Variants in EFCAB6 observed in about 807,000 individuals in gnomAD.
EFCAB6 encodes EF-hand calcium binding domain 6, also known as EF-hand calcium-binding domain-containing protein 6.
Under a neutral mutation model 169.8 loss-of-function variants are expected in EFCAB6, and 156 were observed. The observed-to-expected ratio is 0.92, with a 90% CI of 0.81 to 1.05. EFCAB6 has a LOEUF of 1.05. Ranked by LOEUF, EFCAB6 falls within the 50% of genes least tolerant of loss-of-function variation. The probability of loss-of-function intolerance (pLI) is 0.00; values close to 1 mark genes in which losing one functional copy is unlikely to be tolerated. For missense variants in EFCAB6, 1,800 were observed against 1,829.1 expected (o/e 0.98, Z 0.29); for synonymous variants, 698 against 676.4 (o/e 1.03, Z -0.50).
In EFCAB6 at chr22:43,751,898, G is replaced by A. The variant is rs2060782108; in HGVS notation, c.507+3868C>T. On this transcript the variant is annotated intron_variant, in intron 6 of 31. Transcript: ENST00000262726. ...GCACCTGCCTCATGGGGTTCACCTG[G>A]GAATTAAATGCCTTAATGCGATAAA... is the stretch of plus-strand genomic sequence containing the variant. Among the ~76,000 whole-genome samples the A allele has an allele frequency of 2.0e-5, 3 of 152,106 alleles. No individual in the cohort carries two copies. The South Asian group carries it at 6.2e-4, about 32-fold the overall frequency.
chr22:43,666,691 GTT>G (rs137764), intron 17 of EFCAB6, among the ~76,000 whole-genome samples: 30 of 77,878 alleles, frequency 3.9e-4, no homozygotes, highest in Non-Finnish European at 4.6e-4. Context: ...CTGCCAGATT[GTT>G]TTTTTTTTTT....
At chr22:43,643,199 C>A (rs1489694858) in intron 17 of EFCAB6, among the ~76,000 whole-genome samples, 1 of 152,194 alleles carries the variant, frequency 6.6e-6, no homozygotes, top group Non-Finnish European at 1.5e-5. Context: ...TGCAACAATG[C>A]CTCAACAGAA....
chr22:43,655,765 A>G (rs1274221211), intron 17 of EFCAB6, among the ~76,000 whole-genome samples: 3 of 152,182 alleles, frequency 2.0e-5, no homozygotes, highest in African/African-American at 7.2e-5. Flanking sequence ...CTCAATAAGT[A>G]ACCAGATAGT....
chr22:43,596,984 A>C (rs987037171), intron 23 of EFCAB6, among the ~76,000 whole-genome samples: 4 of 152,220 alleles, frequency 2.6e-5, no homozygotes, highest in Non-Finnish European at 5.9e-5. Flanking sequence ...AAAGGCACTG[A>C]GAACACACAC....
At chr22:43,789,623 T>C (rs990255070) in intron 2 of EFCAB6, among the ~76,000 whole-genome samples, 1 of 152,188 alleles carries the variant, frequency 6.6e-6, no homozygotes, top group African/African-American at 2.4e-5. Context: ...TGCTCAGCGG[T>C]CACGACACTG....
At chr22:43,716,425 T>C (rs1230776191) in intron 9 of EFCAB6, among the ~76,000 whole-genome samples, 1 of 152,160 alleles carries the variant, frequency 6.6e-6, no homozygotes, top group African/African-American at 2.4e-5. Context: ...TAAAATATTT[T>C]ATATGTGTAG....
At chr22:43,623,153 A>G (rs554794614) in intron 20 of EFCAB6, among the ~76,000 whole-genome samples, 1 of 152,346 alleles carries the variant, frequency 6.6e-6, no homozygotes, top group South Asian at 2.1e-4. Context: ...TAAGGATAAA[A>G]AAGGAAATTT....
At chr22:43,608,660 G>A in intron 21 of EFCAB6, 60 bp from the exon 22 acceptor site, 1 of 1,511,542 alleles carries the variant, frequency 6.6e-7, no homozygotes, top group South Asian at 1.1e-5. Flanking sequence ...CAGCAGAAAA[G>A]ATGTTCAATT....
chr22:43,632,298 T>C, intron 18 of EFCAB6, 60 bp from the exon 19 acceptor site: 24 of 1,032,730 alleles, frequency 2.3e-5, no homozygotes, highest in South Asian at 1.5e-4. Flanking sequence ...TTCCTTCTTT[T>C]TTTTTTTTTT....
At chr22:43,534,450 C>T (rs1306401683) in intron 30 of EFCAB6, among the ~76,000 whole-genome samples, 2 of 152,146 alleles carry the variant, frequency 1.3e-5, no homozygotes, top group African/African-American at 4.8e-5. Flanking sequence ...TGGACTAATA[C>T]ATCCCATCTC....
At chr22:43,591,111 GT>G (rs67053426) in intron 23 of EFCAB6, among the ~76,000 whole-genome samples, 70,610 of 130,986 alleles carry the variant, frequency 0.54, 17,260 homozygotes, top group East Asian at 0.66. Flanking sequence ...TTTGTTTTTT[GT>G]TTTTTTTTTT....
chr22:43,635,015 C>A, intron 18 of EFCAB6, 87 bp downstream of exon 18: 4 of 1,026,682 alleles, frequency 3.9e-6, no homozygotes, highest in Non-Finnish European at 6.1e-6. Flanking sequence ...GCTACTTCAA[C>A]CCGAGTGGCC....
At position 43,540,402 on chromosome 22, in the gene EFCAB6, C is replaced by T. The variant is rs768174378; in HGVS notation, c.3649-45G>A. The T allele has an allele frequency of 6.8e-6, 11 of 1,610,466 alleles. No individual in the cohort carries two copies. In the African/African-American group the frequency reaches 1.3e-4, roughly 20 times the overall value. On this transcript the variant is annotated intron_variant, in intron 27 of 31. Coordinates refer to ENST00000262726, the MANE Select transcript of EFCAB6 (RefSeq NM_022785.4). ...CATTTCCCAGGTGTCAGTGCAAACACAGGCAGCGTCGCACCTGTGCCAGCG... is the reference window on the plus strand; with the variant it reads ...CATTTCCCAGGTGTCAGTGCAAACATAGGCAGCGTCGCACCTGTGCCAGCG...
At chr22:43,591,582 C>T (rs1290196700) in intron 23 of EFCAB6, among the ~76,000 whole-genome samples, 3 of 152,026 alleles carry the variant, frequency 2.0e-5, no homozygotes, top group Non-Finnish European at 4.4e-5. Context: ...CTCAGCCCTG[C>T]AAGGCGGTGT....
intron 26 of EFCAB6, among the ~76,000 whole-genome samples, 194 bp downstream of exon 26, chr22:43,576,103 C>T (rs2050238543): frequency 6.6e-6 from 1 of 152,088 alleles, no homozygotes; most frequent in Admixed American, 6.5e-5. Flanking sequence ...ATAAAAATTT[C>T]CAACAAAGTA....
At chr22:43,760,460 A>G (rs578219301) in intron 5 of EFCAB6, among the ~76,000 whole-genome samples, 2 of 152,264 alleles carry the variant, frequency 1.3e-5, no homozygotes, top group African/African-American at 4.8e-5. Context: ...GATAATGTCT[A>G]GATAGGCATT....
chr22:43,714,169 C>A (rs1262460098), intron 9 of EFCAB6, among the ~76,000 whole-genome samples: 1 of 152,032 alleles, frequency 6.6e-6, no homozygotes, highest in South Asian at 2.1e-4. Context: ...GAATAAGAGG[C>A]AAGGATGAGA....
intron 5 of EFCAB6, 123 bp from the exon 6 acceptor site, chr22:43,755,955 T>C (rs2060943626): frequency 1.0e-6 from 1 of 967,888 alleles, no homozygotes; most frequent in African/African-American, 1.7e-5. Flanking sequence ...AAGGTATTTC[T>C]TACAAGCTAC....
At chr22:43,776,248 G>A (rs893427777) in intron 3 of EFCAB6, among the ~76,000 whole-genome samples, 2 of 152,150 alleles carry the variant, frequency 1.3e-5, no homozygotes, top group Admixed American at 1.3e-4. Context: ...GAGGAGAAGG[G>A]GCCGTGGGAA....
Sources: allele counts gnomAD v4.1 joint callset (sites outside exome capture counted in the v4.1 genomes callset), GRCh38; gene constraint gnomAD v4.1.1; transcripts MANE v1.5; gene names NCBI Gene and HGNC (gene_info 2026-07-23, HGNC 2026-07-21).